Variants in PRCP observed in about 807,000 individuals in gnomAD.
PRCP encodes the protein lysosomal Pro-X carboxypeptidase.
A neutral mutation model predicts 54.2 loss-of-function variants in PRCP; 46 were observed. That is an observed-to-expected ratio of 0.85 (90% confidence interval 0.67 to 1.09). PRCP has a LOEUF of 1.09. PRCP is among the 50% of genes least tolerant of loss of function. PRCP has a pLI of 0.00. For synonymous variants in PRCP, 240 were observed against 212.2 expected (o/e 1.13, Z -1.14); for missense variants, 613 against 596.8 (o/e 1.03, Z -0.28).
chr11:82,879,398 T>C (rs1455368537), intron 1 of PRCP, among the ~76,000 whole-genome samples: 2 of 152,242 alleles, frequency 1.3e-5, no homozygotes, highest in Non-Finnish European at 2.9e-5. Flanking sequence ...TAAGGTCTTC[T>C]CTATGCTGTT....
At chr11:82,884,736 C>A in intron 1 of PRCP, 2 of 1,579,474 alleles carry the variant, frequency 1.3e-6, no homozygotes, top group Non-Finnish European at 1.7e-6. Flanking sequence ...ACTTTCAGTG[C>A]CATCTTGGCC....
chr11:82,875,162 C>A (rs1479003428), intron 1 of PRCP, among the ~76,000 whole-genome samples: 1 of 152,084 alleles, frequency 6.6e-6, no homozygotes, highest in African/African-American at 2.4e-5. Context: ...TCAGAGGAAC[C>A]CTATGGAGTA....
At chr11:82,877,599 T>C (rs544309980) in intron 1 of PRCP, among the ~76,000 whole-genome samples, 58 of 152,344 alleles carry the variant, frequency 3.8e-4, no homozygotes, top group African/African-American at 1.3e-3. Flanking sequence ...GTGGGAGCCC[T>C]AAGCCTTAGC....
At chr11:82,868,049 T>C (rs1859383858) in intron 1 of PRCP, among the ~76,000 whole-genome samples, 1 of 152,110 alleles carries the variant, frequency 6.6e-6, no homozygotes, top group South Asian at 2.1e-4. Flanking sequence ...ACAACAATCA[T>C]CCCCCTTCTT....
intron 7 of PRCP, among the ~76,000 whole-genome samples, 158 bp downstream of exon 7, chr11:82,839,103 G>A (rs1022959088): frequency 3.9e-5 from 6 of 152,172 alleles, no homozygotes; most frequent in Non-Finnish European, 8.8e-5. Context: ...ACAAATGAAT[G>A]AACAAGAAAA....
intron 2 of PRCP, among the ~76,000 whole-genome samples, chr11:82,855,093 G>A (rs181878147): frequency 2.4e-4 from 36 of 152,232 alleles, no homozygotes; most frequent in African/African-American, 7.9e-4. Context: ...AGAAAACTGA[G>A]GAAATACCAT....
At chr11:82,864,725 T>A (rs981168005) in intron 1 of PRCP, among the ~76,000 whole-genome samples, 12 of 152,232 alleles carry the variant, frequency 7.9e-5, no homozygotes, top group Admixed American at 6.5e-5. Flanking sequence ...ATTTCATTTT[T>A]TCTTTTTTAT....
At chr11:82,827,819 T>A (rs904656677) in intron 8 of PRCP, 8 of 152,200 alleles carry the variant, frequency 5.3e-5, no homozygotes, top group Non-Finnish European at 1.0e-4. Flanking sequence ...GCTGGAAATT[T>A]GACAGAGATC....
intron 8 of PRCP, chr11:82,827,606 TTCC>T (rs1858269262): frequency 1.3e-5 from 2 of 152,222 alleles, no homozygotes; most frequent in Admixed American, 1.3e-4. Context: ...CTCGATTCTC[TTCC>T]ACTTGTCTAT....
intron 1 of PRCP, among the ~76,000 whole-genome samples, chr11:82,891,349 T>A (rs1296229652): frequency 1.1e-4 from 17 of 152,160 alleles, no homozygotes; most frequent in Admixed American, 4.6e-4. Flanking sequence ...CAAGCCACCA[T>A]CGTCTCTAAT....
intron 3 of PRCP, among the ~76,000 whole-genome samples, chr11:82,851,775 C>A (rs565856306): frequency 2.0e-5 from 3 of 152,074 alleles, no homozygotes; most frequent in Non-Finnish European, 4.4e-5. Context: ...CTTCCATCAT[C>A]TGGCATATTA....
At chr11:82,872,046 G>A (rs531859497) in intron 1 of PRCP, among the ~76,000 whole-genome samples, 1 of 152,182 alleles carries the variant, frequency 6.6e-6, no homozygotes, top group East Asian at 1.9e-4. Context: ...GAGAGAAAGA[G>A]ACTACGCGTT....
chr11:82,840,358 C>A (rs552104265), intron 6 of PRCP: 4 of 151,800 alleles, frequency 2.6e-5, no homozygotes, highest in Non-Finnish European at 5.9e-5. Context: ...TAGATTTCAC[C>A]CCTCCACCAC....
At chr11:82,836,196 G>GAAAAAAAAAAAAAAAAAAAAAAAAAAA (rs1171193255) in intron 8 of PRCP, 1 of 125,288 alleles carries the variant, frequency 8.0e-6, no homozygotes, top group South Asian at 2.7e-4. Flanking sequence ...CCATCTCGAG[G>GAAAAAAAAAAAAAAAAAAAAAAAAAAA]AAAAAAAAAA....
At chr11:82,876,005 T>G (rs918362041) in intron 1 of PRCP, among the ~76,000 whole-genome samples, 5 of 152,076 alleles carry the variant, frequency 3.3e-5, no homozygotes, top group African/African-American at 1.2e-4. Context: ...CAAAAAAAAA[T>G]TACTACCTCA....
At chr11:82,884,999 G>T in intron 1 of PRCP, 1 of 1,404,908 alleles carries the variant, frequency 7.1e-7, no homozygotes, top group Non-Finnish European at 9.4e-7. Flanking sequence ...TCATGTGAAA[G>T]AAAAAATATG....
Position 82,824,985 on chromosome 11 carries a change from A to G in PRCP, c.1412T>C (p.Leu471Pro). 1 of 1,614,176 alleles carries G rather than the reference A, an allele frequency of 6.2e-7. No homozygotes were observed. Among genetic ancestry groups the G allele is most frequent in the South Asian group, 1.1e-5 (1 of 91,082 alleles). ...TCTAACTTCCAAGGAGCGGGCTAACAGCACAGACATAGGATCCAAGGCATT... is the reference window on the plus strand; with the variant it reads ...TCTAACTTCCAAGGAGCGGGCTAACGGCACAGACATAGGATCCAAGGCATT... ...TKNALDPMSV[L>P]LARSLEVRHM... The change falls in exon 9 of 9, where the codon CTG becomes CCG. Residue 471 changes from leucine (L) to proline (P), a missense_variant. By Grantham distance (98) the Leu-to-Pro change is moderately conservative. Coordinates refer to ENST00000313010, the MANE Select transcript of PRCP (RefSeq NM_005040.4).
At chr11:82,866,990 G>A (rs1683557661) in intron 1 of PRCP, among the ~76,000 whole-genome samples, 1 of 152,164 alleles carries the variant, frequency 6.6e-6, no homozygotes, top group African/African-American at 2.4e-5. Context: ...CCAAAGTGCT[G>A]GGATTACAGG....
chr11:82,856,847 G>GACC (rs1335344922), intron 2 of PRCP, among the ~76,000 whole-genome samples: 5 of 152,004 alleles, frequency 3.3e-5, no homozygotes, highest in Admixed American at 3.3e-4. Context: ...AGGAGATCGA[G>GACC]ATCACGGTGA....
Sources: gnomAD v4.1 joint callset for allele counts (sites outside exome capture counted in the v4.1 genomes callset) on GRCh38, gnomAD v4.1.1 for gene constraint, MANE v1.5 for transcripts, NCBI Gene and HGNC (gene_info 2026-07-23, HGNC 2026-07-21) for gene names.